SLC35B3: variants seen among roughly 807,000 people sequenced by gnomAD.
SLC35B3 encodes the protein adenosine 3'-phospho 5'-phosphosulfate transporter 2.
SLC35B3 carries 35 observed loss-of-function variants against 44.1 expected under a neutral mutation model. The observed-to-expected ratio is 0.79, with a 90% confidence interval of 0.61 to 1.05. The LOEUF (loss-of-function observed/expected upper bound fraction) is 1.05. Ranked by LOEUF, SLC35B3 falls within the 50% of genes least tolerant of loss-of-function variation. The probability of loss-of-function intolerance (pLI) is 0.00; values close to 1 mark genes in which losing one functional copy is unlikely to be tolerated. For missense variants in SLC35B3, 414 were observed against 476.4 expected (o/e 0.87, Z 1.22); for synonymous variants, 146 against 167.3 (o/e 0.87, Z 0.98).
In SLC35B3 at chr6:8,420,787, T is replaced by C. The variant is rs1223485557; in HGVS notation, c.616A>G (p.Met206Val). Residue 206 changes from methionine (M) to valine (V), a missense_variant, in exon 6 of 11, where the codon ATG becomes GTG. By Grantham distance (21) the Met-to-Val change is conservative. Coordinates refer to ENST00000644923, the MANE Select transcript of SLC35B3 (RefSeq NM_001370476.2). The surrounding 1 kb of genome is among the most constrained non-coding windows in gnomAD (Gnocchi z 4.4). ...GTAAACCATATCAGGCCAAGGCTCA[T>C]ACATATGGCAGCAGACACATCTGCA... 5 of 1,613,112 alleles carry C rather than the reference T, an allele frequency of 3.1e-6. No homozygotes were observed. Among genetic ancestry groups the C allele is most frequent in the Admixed American group, 1.7e-5 (1 of 59,988 alleles).
Position 8,416,904 on chromosome 6 carries a change from C to T in SLC35B3, c.965G>A (p.Gly322Asp), listed in dbSNP as rs764511746. The T allele has an allele frequency of 7.6e-6, 12 of 1,585,868 alleles. No homozygotes were observed. The East Asian group carries it at 1.1e-4, about 15-fold the overall frequency. ...CCTACCTGTTACAGCAATAAGTGCA[C>T]CAAAAATTTTAATCAAAGCCAGAAC... The change falls in exon 9 of 11, where the codon GGT becomes GAT. Residue 322 changes from glycine to aspartate, a missense_variant. Physicochemically the swap from Gly to Asp is moderately conservative, Grantham distance 94 (BLOSUM62 -1). Coordinates refer to ENST00000644923, the MANE Select transcript of SLC35B3 (RefSeq NM_001370476.2).
At chr6:8,417,059 A>C (rs1410361754) in intron 8 of SLC35B3, 64 bp from the exon 8 acceptor site, 1 of 833,478 alleles carries the variant, frequency 1.2e-6, no homozygotes, top group Non-Finnish European at 1.9e-6. Flanking sequence ...TACAAATAAA[A>C]TAAAACTACA....
At chr6:8,427,107 AT>A (rs1372199361) in intron 4 of SLC35B3, among the ~76,000 whole-genome samples, 1 of 152,244 alleles carries the variant, frequency 6.6e-6, no homozygotes, top group Non-Finnish European at 1.5e-5. Flanking sequence ...AAAGCATTCC[AT>A]TTTAAAACGG....
At position 8,430,138 on chromosome 6, in the gene SLC35B3, T is replaced by C. The variant is rs199577708; in HGVS notation, c.23A>G (p.Lys8Arg). ...CTGGACTGTTATGTTCTGTATGTCTTTTGCTTGCTGTGTCAAGTCCTAGAG... is the reference window on the plus strand; with the variant it reads ...CTGGACTGTTATGTTCTGTATGTCTCTTGCTTGCTGTGTCAAGTCCTAGAG... The change falls in exon 3 of 11, where the codon AAA (lysine) becomes AGA (arginine). Residue 8 changes from lysine to arginine, a missense_variant. Physicochemically the swap from Lys to Arg is conservative, Grantham distance 26. Transcript: ENST00000644923. The C allele has an allele frequency of 1.9e-5, 30 of 1,587,496 alleles. No individual in the cohort carries two copies. The Admixed American group carries it at 5.3e-4, about 28-fold the overall frequency.
rs1422196313 is a variant in SLC35B3 at position 8,432,354 on chromosome 6, G to A, written c.3+2031C>T. On this transcript the variant is annotated intron_variant, in intron 2 of 10. Coordinates refer to ENST00000644923, the MANE Select transcript of SLC35B3 (RefSeq NM_001370476.2). This position sits in a 1 kb window ranked among gnomAD's most constrained non-coding sequence, Gnocchi z 4.8. ...ACATACAGAATAAATAAAACTTCTA[G>A]AAAATATCTTTCTTTCCTGCTTTTA... Among the ~76,000 whole-genome samples the A allele has an allele frequency of 6.6e-6, 1 of 151,830 alleles. No homozygotes were observed. The highest frequency in any genetic ancestry group is 1.5e-5 in the Non-Finnish European group (1 of 68,004).
chr6:8,421,568 G>T (rs1332798921), intron 5 of SLC35B3, among the ~76,000 whole-genome samples: 1 of 152,158 alleles, frequency 6.6e-6, no homozygotes, highest in Non-Finnish European at 1.5e-5. Context: ...AGAAACACCC[G>T]ACTATTAAAA....
chr6:8,413,823 C>T, intron 10 of SLC35B3, 124 bp from the exon 10 acceptor site: 1 of 562,394 alleles, frequency 1.8e-6, no homozygotes. Flanking sequence ...TAGAAGCCTA[C>T]AATAATAGCA....
Position 8,419,510 on chromosome 6 carries a change from T to C in SLC35B3, c.780+70A>G, listed in dbSNP as rs1762700099. On this transcript the variant is annotated intron_variant, in intron 7 of 10. Transcript: ENST00000644923. This position sits in a 1 kb window ranked among gnomAD's most constrained non-coding sequence, Gnocchi z 4.3. ...ATGCAATGCTAGTTATAATAATTATTTCATCAAATTACGTGTATCACCATT... is the reference window on the plus strand; with the variant it reads ...ATGCAATGCTAGTTATAATAATTATCTCATCAAATTACGTGTATCACCATT... 1 of 740,348 alleles carries C rather than the reference T, an allele frequency of 1.4e-6. No homozygotes were observed. 45.9% of individuals were successfully genotyped at this position (740,348 alleles called of 1,614,324 possible).
intron 10 of SLC35B3, among the ~76,000 whole-genome samples, 189 bp downstream of exon 9, chr6:8,414,718 AG>A (rs200795211): frequency 0.04 from 6,112 of 152,238 alleles, 183 homozygotes; most frequent in Middle Eastern, 0.071. Context: ...ACACACTGAT[AG>A]TTAAGAGATC....
At chr6:8,418,358 C>T (rs1304052464) in intron 7 of SLC35B3, among the ~76,000 whole-genome samples, 2 of 151,934 alleles carry the variant, frequency 1.3e-5, no homozygotes, top group Non-Finnish European at 2.9e-5. Context: ...TAGAGACTAC[C>T]TAAGTTGCCC....
rs749058486 is a variant in SLC35B3, at chr6:8,433,282, G to A, written c.3+1103C>T. Reference sequence around the variant, plus strand: ...ATGCTGCATCCATGAATAAGGCCTCGAAGTTAAAAACGAGTTGATGTCCTG... The same window carrying A: ...ATGCTGCATCCATGAATAAGGCCTCAAAGTTAAAAACGAGTTGATGTCCTG... On this transcript the variant is annotated intron_variant, in intron 2 of 10. Transcript: ENST00000644923. This position sits in a 1 kb window ranked among gnomAD's most constrained non-coding sequence, Gnocchi z 4.1. 6.6e-6 allele frequency among the ~76,000 whole-genome samples: 1 copy of A among 152,088 alleles called. No individual in the cohort carries two copies. The highest frequency in any genetic ancestry group is 2.4e-5 in the African/African-American group (1 of 41,414).
chr6:8,420,632 C>T lies in SLC35B3; in HGVS notation c.682+89G>A. 1 of 931,604 alleles carries T rather than the reference C, an allele frequency of 1.1e-6. No homozygotes were observed. Among genetic ancestry groups the T allele is most frequent in the Admixed American group, 2.3e-5 (1 of 43,798 alleles). 57.7% of individuals were successfully genotyped at this position (931,604 alleles called of 1,614,324 possible). ...AGATATGAAAATTGCAGCTGTCACA[C>T]TATCATTTAAAATGCTTACAAAATA... On this transcript the variant is annotated intron_variant, in intron 6 of 10. Coordinates refer to ENST00000644923, the MANE Select transcript of SLC35B3 (RefSeq NM_001370476.2). This position sits in a 1 kb window ranked among gnomAD's most constrained non-coding sequence, Gnocchi z 4.4.
chr6:8,416,828 C>A, intron 9 of SLC35B3, 56 bp downstream of exon 8: 1 of 788,504 alleles, frequency 1.3e-6, no homozygotes, highest in Non-Finnish European at 2.0e-6. Flanking sequence ...TGAAAAAGAG[C>A]ATCAGAGAAA....
intron 7 of SLC35B3, among the ~76,000 whole-genome samples, chr6:8,418,572 A>G (rs543488946): frequency 2.1e-4 from 32 of 151,098 alleles, no homozygotes; most frequent in African/African-American, 7.5e-4. Flanking sequence ...AAAAACAGTT[A>G]CAAGAGATAC....
intron 4 of SLC35B3, 100 bp downstream of exon 3, chr6:8,427,835 TCA>T (rs1313813926): frequency 2.3e-5 from 22 of 967,536 alleles, no homozygotes; most frequent in African/African-American, 3.4e-5. Flanking sequence ...TTCGTGCCTA[TCA>T]CATGTTTTGT....
chr6:8,429,675 C>T, intron 3 of SLC35B3, 189 bp downstream of exon 2: 1 of 445,702 alleles, frequency 2.2e-6, no homozygotes, highest in Non-Finnish European at 3.9e-6. Flanking sequence ...TGCCTCCTCC[C>T]CACTTAAATT....
intron 4 of SLC35B3, among the ~76,000 whole-genome samples, chr6:8,427,494 A>T (rs1763528889): frequency 6.6e-6 from 1 of 152,154 alleles, no homozygotes; most frequent in Non-Finnish European, 1.5e-5. Context: ...GGAAGTTTCC[A>T]CTTGTGTCAC....
chr6:8,434,297 AAAAAGTCATTACGGTGTCATT>A lies in SLC35B3; in HGVS notation c.3+67_3+87del. Reference sequence around the variant, plus strand: ...CACCAAAAAAAGGTAGAATATGAAAAAAAAGTCATTACGGTGTCATTAACCTGAAAAAACGTGATTTTAACT... The same window carrying A: ...CACCAAAAAAAGGTAGAATATGAAAAAACCTGAAAAAACGTGATTTTAACT... On this transcript the variant is annotated intron_variant, in intron 2 of 10. Coordinates refer to ENST00000644923, the MANE Select transcript of SLC35B3 (RefSeq NM_001370476.2). The surrounding 1 kb of genome is among the most constrained non-coding windows in gnomAD (Gnocchi z 6.3). 1.5e-6 allele frequency: 2 copies of A among 1,305,086 alleles called. No homozygotes were observed. Among genetic ancestry groups the A allele is most frequent in the South Asian group, 2.5e-5 (2 of 81,284 alleles). The allele number at this position is 1,305,086 out of a possible 1,614,324, so 80.8% of individuals were successfully genotyped here.
At position 8,416,876 on chromosome 6, in the gene SLC35B3, C is replaced by A; in HGVS notation, c.985+8G>T. Reference sequence around the variant, plus strand: ...ATTTTATAATCAAAGCAAGTAAATCCCTCCTACCTGTTACAGCAATAAGTG... The same window carrying A: ...ATTTTATAATCAAAGCAAGTAAATCACTCCTACCTGTTACAGCAATAAGTG... On this transcript the variant is annotated splice_region_variant and intron_variant, in intron 9 of 10. Transcript: ENST00000644923. 7.2e-7 allele frequency: 1 copy of A among 1,397,438 alleles called. No homozygotes were observed. The highest frequency in any genetic ancestry group is 9.9e-7 in the Non-Finnish European group (1 of 1,009,878). The allele number at this position is 1,397,438 out of a possible 1,614,324, so 86.6% of individuals were successfully genotyped here. A position where few individuals can be genotyped will look rare whatever the true frequency, so the allele number is the denominator to read the frequency against.
Sources: gnomAD v4.1 joint callset for allele counts (sites outside exome capture counted in the v4.1 genomes callset) on GRCh38, gnomAD v4.1.1 for gene constraint, Gnocchi (gnomAD v3.1) non-coding constraint, MANE v1.5 for transcripts, NCBI Gene and HGNC (gene_info 2026-07-23, HGNC 2026-07-21) for gene names.